The following CABLES2 variants were observed in gnomAD, a reference collection of about 807,000 sequenced individuals.
CABLES2 encodes the protein Cdk5 and Abl enzyme substrate 2.
CABLES2 carries 35 observed loss-of-function variants against 44.8 expected under a neutral mutation model. That is an observed-to-expected ratio of 0.78 (90% CI 0.60 to 1.04). The LOEUF is 1.04. Among genes scored for constraint, CABLES2 ranks in the 50% least tolerant of loss-of-function variants. The probability of loss-of-function intolerance (pLI) is 0.00; values close to 1 mark genes in which losing one functional copy is unlikely to be tolerated. For missense variants in CABLES2, 566 were observed against 615.7 expected, an observed-to-expected ratio of 0.92 and a Z score of 0.85; for synonymous variants, 282 against 281.1, an observed-to-expected ratio of 1.00 and a Z score of -0.03.
At chr20:62,400,444 G>A (rs1260057249) in intron 1 of CABLES2, among the ~76,000 whole-genome samples, 1 of 152,204 alleles carries the variant, frequency 6.6e-6, no homozygotes. Context: ...TGCCCCAAGA[G>A]GAGCCCAGCG....
intron 4 of CABLES2, 44 bp downstream of exon 4, chr20:62,394,893 T>C (rs780074393): frequency 6.4e-7 from 1 of 1,574,316 alleles, no homozygotes; most frequent in East Asian, 2.3e-5. Context: ...CCTTGCCTTC[T>C]GCCTAGATGG....
Position 62,391,171 on chromosome 20 carries a change from C to T in CABLES2, c.1297-60G>A, listed in dbSNP as rs527642199. 158 of 1,604,684 alleles carry T rather than the reference C, an allele frequency of 9.8e-5. No homozygotes were observed. The highest frequency in any genetic ancestry group is 5.5e-4 in the African/African-American group (41 of 74,922). On this transcript the variant is annotated intron_variant, in intron 9 of 9. Coordinates refer to ENST00000279101, the MANE Select transcript of CABLES2 (RefSeq NM_031215.3). This position sits in a 1 kb window ranked among gnomAD's most constrained non-coding sequence, Gnocchi z 5.7. ...CCTTCCCTCTTCCACATTTCCCACCCGGCCAGCCCCATCCCAGCAGTGGCC... is the reference window on the plus strand; with the variant it reads ...CCTTCCCTCTTCCACATTTCCCACCTGGCCAGCCCCATCCCAGCAGTGGCC...
chr20:62,407,239 G>A lies in CABLES2; in HGVS notation c.38C>T (p.Ala13Val), dbSNP rs887809337. ...AAAAGGAPGPAPGPAGPPPPA... is the reference protein window; with the variant it reads ...AAAAGGAPGPVPGPAGPPPPA... Reference sequence around the variant, plus strand: ...TGGCGGGGGCCCGGCGGGGCCGGGGGCCGGGCCCGGGGCTCCACCGGCCGC... The same window carrying A: ...TGGCGGGGGCCCGGCGGGGCCGGGGACCGGGCCCGGGGCTCCACCGGCCGC... Residue 13 changes from alanine to valine, a missense_variant, in exon 1 of 10, where the codon GCC (alanine) becomes GTC (valine). This residue lies in a region of CABLES2 where 130 missense variants were observed against 79.4 expected (regional missense o/e 1.64). Coordinates refer to ENST00000279101, the MANE Select transcript of CABLES2 (RefSeq NM_031215.3). The A allele has an allele frequency of 5.3e-5, 43 of 816,988 alleles. No homozygotes were observed. Among genetic ancestry groups the A allele is most frequent in the Non-Finnish European group, 6.0e-5 (41 of 679,698 alleles). The allele number at this position is 816,988 out of a possible 1,614,324, so 50.6% of individuals were successfully genotyped here.
At chr20:62,393,055 A>T in intron 6 of CABLES2, 32 bp from the exon 7 acceptor site, 6 of 1,569,362 alleles carry the variant, frequency 3.8e-6, no homozygotes, top group Non-Finnish European at 5.3e-6. Flanking sequence ...ACCCACCAGG[A>T]GTCTTGAGCA....
chr20:62,396,738 A>T lies in CABLES2; in HGVS notation c.363-146T>A. The T allele has an allele frequency of 1.3e-6, 1 of 776,828 alleles. No homozygotes were observed. Among genetic ancestry groups the T allele is most frequent in the Non-Finnish European group, 2.1e-6 (1 of 479,198 alleles). 48.1% of individuals were successfully genotyped at this position (776,828 alleles called of 1,614,324 possible). A position where few individuals can be genotyped will look rare whatever the true frequency, so the allele number is the denominator to read the frequency against. On this transcript the variant is annotated intron_variant, in intron 1 of 9. Transcript: ENST00000279101. This position sits in a 1 kb window ranked among gnomAD's most constrained non-coding sequence, Gnocchi z 5.7. Reference sequence around the variant, plus strand: ...ATGGGCCGAGGGGCTTCCAGAGCCCATGCAGACTGAGGCGGGGAGGAGGGG... The same window carrying T: ...ATGGGCCGAGGGGCTTCCAGAGCCCTTGCAGACTGAGGCGGGGAGGAGGGG...
Position 62,396,216 on chromosome 20 carries a change from C to T in CABLES2, c.527+99G>A. On this transcript the variant is annotated intron_variant, in intron 3 of 9. Transcript: ENST00000279101. The surrounding 1 kb of genome is among the most constrained non-coding windows in gnomAD (Gnocchi z 5.7). ...GTGTGGAGTGTGGGGTGGGCGGGAG[C>T]TTTGGGAGTGGAGGGAAGATTGCTT... 3 of 1,007,422 alleles carry T rather than the reference C, an allele frequency of 3.0e-6. No individual in the cohort carries two copies. The highest frequency in any genetic ancestry group is 4.7e-6 in the Non-Finnish European group (3 of 639,220). 62.4% of individuals were successfully genotyped at this position (1,007,422 alleles called of 1,614,324 possible).
At chr20:62,397,896 GTGGTGGTGATGGTGA>G (rs1411321185) in intron 1 of CABLES2, among the ~76,000 whole-genome samples, 3 of 151,268 alleles carry the variant, frequency 2.0e-5, no homozygotes, top group Admixed American at 2.0e-4. Flanking sequence ...GGTGATGGCG[GTGGTGGTGATGGTGA>G]TGGCAGTGGT....
Position 62,396,752 on chromosome 20 carries a change from G to A in CABLES2, c.363-160C>T, listed in dbSNP as rs147736420. On this transcript the variant is annotated intron_variant, in intron 1 of 9. Transcript: ENST00000279101. The surrounding 1 kb of genome is among the most constrained non-coding windows in gnomAD (Gnocchi z 5.7). Reference sequence around the variant, plus strand: ...TTCCAGAGCCCATGCAGACTGAGGCGGGGAGGAGGGGCACCTCCTGCCTTG... The same window carrying A: ...TTCCAGAGCCCATGCAGACTGAGGCAGGGAGGAGGGGCACCTCCTGCCTTG... Among the ~76,000 whole-genome samples, 12 of 152,270 alleles carry A rather than the reference G, an allele frequency of 7.9e-5. No homozygotes were observed. Among genetic ancestry groups the A allele is most frequent in the African/African-American group, 1.2e-4 (5 of 41,568 alleles).
At chr20:62,399,976 A>G (rs933069149) in intron 1 of CABLES2, among the ~76,000 whole-genome samples, 1 of 152,266 alleles carries the variant, frequency 6.6e-6, no homozygotes, top group Non-Finnish European at 1.5e-5. Flanking sequence ...TACCAAGTAC[A>G]GTTTGAAGTC....
rs751996005 is a variant in CABLES2 at position 62,391,417 on chromosome 20, G to A, written c.1128C>T (p.Cys376=). The change falls in exon 9 of 10, where the codon TGC becomes TGT. Residue 376 remains cysteine (C), a synonymous_variant. Transcript: ENST00000279101. The surrounding 1 kb of genome is among the most constrained non-coding windows in gnomAD (Gnocchi z 5.7). Reference sequence around the variant, plus strand: ...TGGCCACCGTCACGGGCTCCAGGCTGCACTCCTCCGACAGGCTCCGCATCT... The same window carrying A: ...TGGCCACCGTCACGGGCTCCAGGCTACACTCCTCCGACAGGCTCCGCATCT... ...KREMRSLSEE[C]SLEPVTVAMA... 1.4e-5 allele frequency: 22 copies of A among 1,613,262 alleles called. No individual in the cohort carries two copies. In the East Asian group the frequency reaches 4.2e-4, roughly 31 times the overall value.
chr20:62,395,626 A>G (rs1374336948), intron 3 of CABLES2, among the ~76,000 whole-genome samples: 1 of 152,234 alleles, frequency 6.6e-6, no homozygotes, highest in Non-Finnish European at 1.5e-5. Flanking sequence ...CCAGGGGGAC[A>G]ACAGTGGGAG....
Position 62,393,608 on chromosome 20 carries a change from G to A in CABLES2, c.715-3C>T. ...AGGAACTTCGCATAAGACACGACCTGGAAAAGCAAATGCATCTGGCCTCAG... is the reference window on the plus strand; with the variant it reads ...AGGAACTTCGCATAAGACACGACCTAGAAAAGCAAATGCATCTGGCCTCAG... On this transcript the variant is annotated splice_region_variant and splice_polypyrimidine_tract_variant and intron_variant, in intron 5 of 9. Coordinates refer to ENST00000279101, the MANE Select transcript of CABLES2 (RefSeq NM_031215.3). The A allele has an allele frequency of 1.3e-6, 2 of 1,573,586 alleles. No individual in the cohort carries two copies. Among genetic ancestry groups the A allele is most frequent in the Non-Finnish European group, 8.6e-7 (1 of 1,156,350 alleles).
In CABLES2 at chr20:62,391,396, C is replaced by A. The variant is rs1490969336; in HGVS notation, c.1149G>T (p.Val383=). The change falls in exon 9 of 10, where the codon GTG becomes GTT. Residue 383 remains valine, a synonymous_variant. Coordinates refer to ENST00000279101, the MANE Select transcript of CABLES2 (RefSeq NM_031215.3). The surrounding 1 kb of genome is among the most constrained non-coding windows in gnomAD (Gnocchi z 5.7). The part of the protein sequence containing the change: ...SEECSLEPVT[V]AMAYVYFEKL... ...TCTCAAAGTACACGTAGGCCATGGC[C>A]ACCGTCACGGGCTCCAGGCTGCACT... The A allele has an allele frequency of 1.2e-6, 2 of 1,613,384 alleles. No individual in the cohort carries two copies. The highest frequency in any genetic ancestry group is 1.7e-6 in the Non-Finnish European group (2 of 1,180,030).
chr20:62,398,091 G>GTGGTGGTGA (rs1988087083), intron 1 of CABLES2, among the ~76,000 whole-genome samples: 2 of 132,126 alleles, frequency 1.5e-5, no homozygotes, highest in Admixed American at 1.5e-4. Context: ...GGTGGTGACG[G>GTGGTGGTGA]TGGTGGTGGT....
chr20:62,391,402 C>CA lies in CABLES2; in HGVS notation c.1142dup (p.Thr382AspfsTer10). ...AGTACACGTAGGCCATGGCCACCGT[C>CA]ACGGGCTCCAGGCTGCACTCCTCCG... On this transcript the variant is annotated frameshift_variant, in exon 9 of 10. Coordinates refer to ENST00000279101, the MANE Select transcript of CABLES2 (RefSeq NM_031215.3). LOFTEE classifies it high-confidence loss of function. This position sits in a 1 kb window ranked among gnomAD's most constrained non-coding sequence, Gnocchi z 5.7. The CA allele has an allele frequency of 1.9e-6, 3 of 1,613,368 alleles. No individual in the cohort carries two copies. Among genetic ancestry groups the CA allele is most frequent in the Non-Finnish European group, 2.5e-6 (3 of 1,180,026 alleles).
chr20:62,397,927 T>TGGTGGTGATGGC (rs1555890655), intron 1 of CABLES2, among the ~76,000 whole-genome samples: 1,500 of 100,234 alleles, frequency 0.015, 39 homozygotes, highest in South Asian at 0.033. Context: ...GTGGTGATGG[T>TGGTGGTGATGGC]GGTGGTGGTG....
In CABLES2 at chr20:62,393,526, G is replaced by A. The variant is rs746591913; in HGVS notation, c.794C>T (p.Thr265Ile). The A allele has an allele frequency of 1.5e-5, 24 of 1,613,422 alleles. No homozygotes were observed. Among genetic ancestry groups the A allele is most frequent in the Non-Finnish European group, 1.9e-5 (22 of 1,179,708 alleles). ...HKSDSHGLLP[T>I]PRPSVPRTLP... ...AGTCCGGGGGACACTGGGCCGAGGTGTGGGCAGCAGGCCATGGCTGTCACT... is the reference window on the plus strand; with the variant it reads ...AGTCCGGGGGACACTGGGCCGAGGTATGGGCAGCAGGCCATGGCTGTCACT... The change falls in exon 6 of 10, where the codon ACA becomes ATA. Residue 265 changes from threonine to isoleucine, a missense_variant. Thr to Ile is a moderately conservative substitution (Grantham distance 89, BLOSUM62 -1). Around this residue, in one of 2 missense-constraint regions of CABLES2, gnomAD observed 436 missense variants for 536.3 expected, o/e 0.81. Coordinates refer to ENST00000279101, the MANE Select transcript of CABLES2 (RefSeq NM_031215.3).
chr20:62,401,609 C>A (rs1026238680), intron 1 of CABLES2, among the ~76,000 whole-genome samples: 3 of 152,222 alleles, frequency 2.0e-5, no homozygotes, highest in Non-Finnish European at 4.4e-5. Context: ...CTGGAAGCAG[C>A]ACACACGCCG....
intron 1 of CABLES2, among the ~76,000 whole-genome samples, chr20:62,398,319 C>CGGTGGTGGTG (rs1569018051): frequency 2.8e-5 from 3 of 108,366 alleles, no homozygotes; most frequent in South Asian, 6.0e-4. Context: ...GTGGTGATGG[C>CGGTGGTGGTG]AGTGGTGGTG....
Sources: allele counts gnomAD v4.1 joint callset (sites outside exome capture counted in the v4.1 genomes callset), GRCh38; gene constraint gnomAD v4.1.1; regional missense constraint gnomAD v4.1.1; non-coding constraint Gnocchi (gnomAD v3.1); transcripts MANE v1.5; gene names NCBI Gene and HGNC (gene_info 2026-07-23, HGNC 2026-07-21).